Variants in SH3BGRL2 observed in about 807,000 individuals in gnomAD.
SH3BGRL2 encodes SH3 domain binding glutamate rich protein like 2, also known as SH3 domain-binding glutamic acid-rich-like protein 2.
A neutral mutation model predicts 14.8 loss-of-function variants in SH3BGRL2; 21 were observed. The ratio of observed to expected loss-of-function variants is 1.42; its 90% CI spans 1.01 to 2.05. The LOEUF (loss-of-function observed/expected upper bound fraction) is 2.05. SH3BGRL2 is among the 30% of genes most tolerant of loss of function. The probability of loss-of-function intolerance (pLI) is 0.00; values close to 1 mark genes in which losing one functional copy is unlikely to be tolerated. For synonymous variants in SH3BGRL2, 50 were observed against 47.8 expected (o/e 1.05, Z -0.19); for missense variants, 147 against 130.8 (o/e 1.12, Z -0.61).
intron 1 of SH3BGRL2, among the ~76,000 whole-genome samples, chr6:79,665,157 G>GCCACC (rs1769632324): frequency 6.6e-6 from 1 of 152,142 alleles, no homozygotes; most frequent in Non-Finnish European, 1.5e-5. Context: ...CTGAGATCGA[G>GCCACC]CCACTGCACT....
At chr6:79,691,722 A>C (rs1390982305) in intron 2 of SH3BGRL2, among the ~76,000 whole-genome samples, 5 of 151,280 alleles carry the variant, frequency 3.3e-5, no homozygotes, top group Non-Finnish European at 5.9e-5. Context: ...TCCATGGTGT[A>C]TATGTGCCAC....
chr6:79,579,586 G>A, the SH3BGRL2 span, among the ~76,000 whole-genome samples: 43 of 152,138 alleles, frequency 2.8e-4, no homozygotes, highest in Non-Finnish European at 5.9e-4. Flanking sequence ...ATCCTTTACA[G>A]ACAAGCAAAT....
chr6:79,617,577 T>G, the SH3BGRL2 span, among the ~76,000 whole-genome samples: 1 of 152,030 alleles, frequency 6.6e-6, no homozygotes, highest in East Asian at 1.9e-4. Context: ...TTAAACAAGA[T>G]CGGTCCCTCA....
intron 2 of SH3BGRL2, among the ~76,000 whole-genome samples, chr6:79,692,916 G>A (rs1162988120): frequency 1.3e-5 from 2 of 152,116 alleles, no homozygotes; most frequent in Non-Finnish European, 2.9e-5. Flanking sequence ...ACCTTGATGG[G>A]GATGGCATTT....
intron 2 of SH3BGRL2, among the ~76,000 whole-genome samples, chr6:79,695,522 C>T (rs753566561): frequency 2.6e-5 from 4 of 152,170 alleles, no homozygotes; most frequent in Non-Finnish European, 5.9e-5. Flanking sequence ...ACTTGGTTTC[C>T]TTTTGGGCAG....
chr6:79,620,469 A>C, the SH3BGRL2 span, among the ~76,000 whole-genome samples: 3 of 152,116 alleles, frequency 2.0e-5, no homozygotes, highest in Non-Finnish European at 4.4e-5. Context: ...CATGCAGAAT[A>C]AATTAACCAT....
chr6:79,676,205 T>A (rs1769879482), intron 2 of SH3BGRL2, among the ~76,000 whole-genome samples: 1 of 152,040 alleles, frequency 6.6e-6, no homozygotes. Flanking sequence ...GCGTGCAGAT[T>A]TTCACTTCCT....
chr6:79,562,733 A>G, the SH3BGRL2 span, among the ~76,000 whole-genome samples: 1 of 152,218 alleles, frequency 6.6e-6, no homozygotes, highest in Non-Finnish European at 1.5e-5. Flanking sequence ...TCTGGGCCAC[A>G]TTGGAAGAAG....
the SH3BGRL2 span, among the ~76,000 whole-genome samples, chr6:79,537,989 G>T: frequency 7.4e-5 from 10 of 135,268 alleles, no homozygotes; most frequent in African/African-American, 2.8e-4. Flanking sequence ...GGTTTGGGGT[G>T]GAATGGCATC....
At chr6:79,554,259 G>C in the SH3BGRL2 span, among the ~76,000 whole-genome samples, 1 of 152,050 alleles carries the variant, frequency 6.6e-6, no homozygotes, top group Non-Finnish European at 1.5e-5. Context: ...CATTATGATG[G>C]TTATCTAATG....
At chr6:79,589,962 G>A in the SH3BGRL2 span, among the ~76,000 whole-genome samples, 2 of 151,900 alleles carry the variant, frequency 1.3e-5, no homozygotes, top group Admixed American at 6.6e-5. Context: ...TTGTAGAGAC[G>A]TGGTTTGGCC....
At chr6:79,609,407 T>C in the SH3BGRL2 span, among the ~76,000 whole-genome samples, 11 of 152,146 alleles carry the variant, frequency 7.2e-5, no homozygotes, top group Non-Finnish European at 1.6e-4. Flanking sequence ...TCCAAGAATG[T>C]ATCCTATCTT....
At chr6:79,568,134 C>A in the SH3BGRL2 span, among the ~76,000 whole-genome samples, 1 of 152,098 alleles carries the variant, frequency 6.6e-6, no homozygotes, top group Non-Finnish European at 1.5e-5. Context: ...TTAAATGGTC[C>A]AACCCCCTTT....
chr6:79,626,290 G>A, the SH3BGRL2 span, among the ~76,000 whole-genome samples: 1 of 152,126 alleles, frequency 6.6e-6, no homozygotes, highest in Non-Finnish European at 1.5e-5. Context: ...CAGGACGGGT[G>A]AGACTTCAAA....
chr6:79,612,352 CAT>C, the SH3BGRL2 span, among the ~76,000 whole-genome samples: 3 of 152,100 alleles, frequency 2.0e-5, no homozygotes, highest in Non-Finnish European at 4.4e-5. Flanking sequence ...AGAGAACAAA[CAT>C]GTGCAATGTA....
intron 1 of SH3BGRL2, among the ~76,000 whole-genome samples, chr6:79,653,411 A>G (rs1206605046): frequency 6.6e-6 from 1 of 152,230 alleles, no homozygotes; most frequent in Non-Finnish European, 1.5e-5. Flanking sequence ...CTTACCCTGG[A>G]ACCATAATTA....
chr6:79,605,707 C>T, the SH3BGRL2 span, among the ~76,000 whole-genome samples: 1 of 152,230 alleles, frequency 6.6e-6, no homozygotes. Context: ...GTATTCAACA[C>T]ATGAAAGTCA....
chr6:79,631,536 G>A, intron 1 of SH3BGRL2, 30 bp downstream of exon 1: 1 of 1,405,792 alleles, frequency 7.1e-7, no homozygotes, highest in Non-Finnish European at 9.3e-7. Flanking sequence ...GCAGTAGGTT[G>A]GGGTCGCGGG....
At chr6:79,696,747 G>T (rs1770340319) in intron 3 of SH3BGRL2, among the ~76,000 whole-genome samples, 182 bp downstream of exon 3, 1 of 151,932 alleles carries the variant, frequency 6.6e-6, no homozygotes, top group Non-Finnish European at 1.5e-5. Context: ...CTAGTTTTTT[G>T]TTTTTCCCCC....
Sources: allele counts gnomAD v4.1 joint callset (sites outside exome capture counted in the v4.1 genomes callset), GRCh38; gene constraint gnomAD v4.1.1; transcripts MANE v1.5; gene names NCBI Gene and HGNC (gene_info 2026-07-23, HGNC 2026-07-21).